FPGT: variants seen among roughly 807,000 people sequenced by gnomAD.
FPGT encodes fucose-1-phosphate guanylyltransferase.
Under a neutral mutation model 45.8 loss-of-function variants are expected in FPGT, and 41 were observed. The ratio of observed to expected loss-of-function variants is 0.90; its 90% CI spans 0.70 to 1.16. The LOEUF (loss-of-function observed/expected upper bound fraction) is 1.16, where lower values mean the gene tolerates loss of function less well. Among genes scored for constraint, FPGT ranks in the 50% most tolerant of loss-of-function variants. The pLI is 0.00. For missense variants in FPGT, 755 were observed against 689.1 expected, an observed-to-expected ratio of 1.10 and a Z score of -1.07; for synonymous variants, 292 against 247.2, an observed-to-expected ratio of 1.18 and a Z score of -1.70.
chr1:74,199,715 C>G lies in FPGT; in HGVS notation c.134C>G (p.Ala45Gly). The part of the protein sequence containing the change: ...EFWDIVAITA[A>G]DEKQELAYNQ... The stretch of plus-strand genomic sequence containing the variant: ...TGGGACATAGTTGCAATAACAGCGG[C>G]TGATGAAAAACAGGAACTTGCTTAC... Residue 45 changes from alanine to glycine, a missense_variant, in exon 2 of 4, where the codon GCT (alanine) becomes GGT (glycine). Transcript: ENST00000370898. 1 of 1,613,988 alleles carries G rather than the reference C, an allele frequency of 6.2e-7. No homozygotes were observed. Among genetic ancestry groups the G allele is most frequent in the African/African-American group, 1.3e-5 (1 of 75,010 alleles).
chr1:74,202,002 A>G (rs577367), intron 3 of FPGT, among the ~76,000 whole-genome samples: 62,774 of 152,024 alleles, frequency 0.41, 14,375 homozygotes, highest in East Asian at 0.73. Flanking sequence ...GTGATTATTG[A>G]TAGCCAGAGG....
Position 74,206,931 on chromosome 1 carries a change from T to C in FPGT, c.*1099T>C, listed in dbSNP as rs1031528323. 6.6e-6 allele frequency: 1 copy of C among 152,100 alleles called. No individual in the cohort carries two copies. Among genetic ancestry groups the C allele is most frequent in the African/African-American group, 2.4e-5 (1 of 41,440 alleles). The allele number at this position is 152,100 out of a possible 1,614,324, so 9.4% of individuals were successfully genotyped here. A position where few individuals can be genotyped will look rare whatever the true frequency, so the allele number is the denominator to read the frequency against. On this transcript the variant is annotated 3_prime_UTR_variant, in exon 4 of 4. Coordinates refer to ENST00000370898, the MANE Select transcript of FPGT (RefSeq NM_003838.5). ...ATGAAATAACTAGTCTGTGCTACTT[T>C]ATGTCAATATAAAAATTGGTAAACT...
Position 74,199,686 on chromosome 1 carries a change from A to G in FPGT, c.105A>G (p.Glu35=), listed in dbSNP as rs186399715. 1 of 1,613,616 alleles carries G rather than the reference A, an allele frequency of 6.2e-7. No homozygotes were observed. The highest frequency in any genetic ancestry group is 2.2e-5 in the East Asian group (1 of 44,864). The stretch of plus-strand genomic sequence containing the variant: ...TAGGCAAACTTGTAGCACGTGGAGA[A>G]TTCTGGGACATAGTTGCAATAACAG... ...ELRGKLVARG[E]FWDIVAITAA... The change falls in exon 2 of 4, where the codon GAA becomes GAG. Residue 35 remains glutamate, a synonymous_variant. Transcript: ENST00000370898.
Position 74,199,134 on chromosome 1 carries a change from A to G in FPGT, c.83-530A>G, listed in dbSNP as rs576391340. Among the ~76,000 whole-genome samples, 9 of 152,296 alleles carry G rather than the reference A, an allele frequency of 5.9e-5. No homozygotes were observed. The East Asian group carries it at 1.7e-3, about 29-fold the overall frequency. On this transcript the variant is annotated intron_variant, in intron 1 of 3. Coordinates refer to ENST00000370898, the MANE Select transcript of FPGT (RefSeq NM_003838.5). ...ATCCAGAATTTTATGTTATATTCTA[A>G]CAGCCTATGTAAGTTTGCATGGTTC...
rs375572507 is a variant in FPGT, at chr1:74,199,612, A to G, written c.83-52A>G. 1.7e-3 allele frequency: 2,650 copies of G among 1,579,538 alleles called. 5 individuals carry two copies. The highest frequency in any genetic ancestry group is 2.1e-3 in the Non-Finnish European group (2,397 of 1,163,588). On this transcript the variant is annotated intron_variant, in intron 1 of 3. Coordinates refer to ENST00000370898, the MANE Select transcript of FPGT (RefSeq NM_003838.5). The stretch of plus-strand genomic sequence containing the variant: ...TTTCTCAATAGGCAAACCTGTGGCA[A>G]CTAGAAAATTCTGATAATTTTTGTT...
Position 74,201,400 on chromosome 1 carries a change from A to G in FPGT, c.333A>G (p.Leu111=). ...GDKWNSFTIL[L]IHSGGYSQRL... ...AATGGAATTCTTTTACCATCTTATT[A>G]ATTCACTCTGGTAATGTTATACTTT... Residue 111 remains leucine, a synonymous_variant, in exon 3 of 4, where the codon TTA becomes TTG. Transcript: ENST00000370898. The G allele has an allele frequency of 1.2e-6, 2 of 1,603,044 alleles. No individual in the cohort carries two copies. Among genetic ancestry groups the G allele is most frequent in the South Asian group, 1.1e-5 (1 of 90,380 alleles).
intron 2 of FPGT, 43 bp downstream of exon 2, chr1:74,199,874 G>C: frequency 6.3e-7 from 1 of 1,574,856 alleles, no homozygotes; most frequent in South Asian, 1.2e-5. Flanking sequence ...GTCCTAAGCA[G>C]AATAATCATT....
Position 74,208,254 on chromosome 1 carries a change from C to G in FPGT, c.*2422C>G, listed in dbSNP as rs1049237076. Reference sequence around the variant, plus strand: ...GCAAAAAAAAAAAAAGTAAGTCACTCCTAAATTTAATCCCTGAATAATGCA... The same window carrying G: ...GCAAAAAAAAAAAAAGTAAGTCACTGCTAAATTTAATCCCTGAATAATGCA... On this transcript the variant is annotated 3_prime_UTR_variant, in exon 4 of 4. Transcript: ENST00000370898. 3.3e-5 allele frequency among the ~76,000 whole-genome samples: 5 copies of G among 151,528 alleles called. No homozygotes were observed. Among genetic ancestry groups the G allele is most frequent in the African/African-American group, 1.2e-4 (5 of 41,262 alleles).
In FPGT at chr1:74,206,109, A is replaced by G. The variant is rs1299248298; in HGVS notation, c.*277A>G. ...ATTGTTTTTTCACATAATTAGTTTT[A>G]AAGGTAATTTTCTAAGCATACCTTT... On this transcript the variant is annotated 3_prime_UTR_variant, in exon 4 of 4. Transcript: ENST00000370898. 1 of 251,042 alleles carries G rather than the reference A, an allele frequency of 4.0e-6. No homozygotes were observed. The allele number at this position is 251,042 out of a possible 1,614,324, so 15.6% of individuals were successfully genotyped here.
rs1652123435 is a variant in FPGT, at chr1:74,204,781, C to T, written c.734C>T (p.Pro245Leu). 6 of 1,613,710 alleles carry T rather than the reference C, an allele frequency of 3.7e-6. No individual in the cohort carries two copies. The highest frequency in any genetic ancestry group is 1.6e-4 in the Middle Eastern group (1 of 6,062). ...TATCAGTTTAATGCTGTGTGTAGAC[C>T]TGGAAATTTTTGTCAACAGGACTTT... The part of the protein sequence containing the change: ...KMYQFNAVCR[P>L]GNFCQQDFAG... Residue 245 changes from proline (P) to leucine (L), a missense_variant, in exon 4 of 4, where the codon CCT becomes CTT. Transcript: ENST00000370898.
rs1652383410 is a variant in FPGT at position 74,207,565 on chromosome 1, A to G, written c.*1733A>G. Among the ~76,000 whole-genome samples, 1 of 152,034 alleles carries G rather than the reference A, an allele frequency of 6.6e-6. No individual in the cohort carries two copies. Among genetic ancestry groups the G allele is most frequent in the Non-Finnish European group, 1.5e-5 (1 of 67,958 alleles). Reference sequence around the variant, plus strand: ...GATACCCTTCTATTTGGCAAAACTCAGTTTCACTTTTCTTTCAGTTTAATC... The same window carrying G: ...GATACCCTTCTATTTGGCAAAACTCGGTTTCACTTTTCTTTCAGTTTAATC... On this transcript the variant is annotated 3_prime_UTR_variant, in exon 4 of 4. Transcript: ENST00000370898.
Position 74,199,808 on chromosome 1 carries a change from T to C in FPGT, c.227T>C (p.Val76Ala). The change falls in exon 2 of 4, where the codon GTG (valine) becomes GCG (alanine). Residue 76 changes from valine to alanine, a missense_variant. Physicochemically the swap from Val to Ala is moderately conservative, Grantham distance 64. Transcript: ENST00000370898. The stretch of plus-strand genomic sequence containing the variant: ...CTTGGAGTTCAATATCACGTTTTTG[T>C]GGATCCTGCTGGAGCCAAAATTGGT... ...LPLGVQYHVF[V>A]DPAGAKIGNG... 6.2e-7 allele frequency: 1 copy of C among 1,614,010 alleles called. No homozygotes were observed. Among genetic ancestry groups the C allele is most frequent in the Non-Finnish European group, 8.5e-7 (1 of 1,179,982 alleles).
In FPGT at chr1:74,204,814, G is replaced by C; in HGVS notation, c.767G>C (p.Gly256Ala). The C allele has an allele frequency of 6.2e-7, 1 of 1,613,680 alleles. No individual in the cohort carries two copies. The highest frequency in any genetic ancestry group is 1.1e-5 in the South Asian group (1 of 91,058). ...GNFCQQDFAG[G>A]DIADLKLDSD... ...TTTTGTCAACAGGACTTTGCTGGGGGTGACATTGCCGATCTTAAATTAGAC... is the reference window on the plus strand; with the variant it reads ...TTTTGTCAACAGGACTTTGCTGGGGCTGACATTGCCGATCTTAAATTAGAC... Residue 256 changes from glycine to alanine, a missense_variant, in exon 4 of 4, where the codon GGT becomes GCT. Physicochemically the swap from Gly to Ala is moderately conservative, Grantham distance 60. Transcript: ENST00000370898.
rs1652377744 is a variant in FPGT at position 74,207,498 on chromosome 1, A to T, written c.*1666A>T. 1.3e-5 allele frequency among the ~76,000 whole-genome samples: 2 copies of T among 151,640 alleles called. No individual in the cohort carries two copies. Among genetic ancestry groups the T allele is most frequent in the African/African-American group, 4.8e-5 (2 of 41,298 alleles). On this transcript the variant is annotated 3_prime_UTR_variant, in exon 4 of 4. Coordinates refer to ENST00000370898, the MANE Select transcript of FPGT (RefSeq NM_003838.5). The stretch of plus-strand genomic sequence containing the variant: ...AGTGCTCTACCACACTTATGTCTGG[A>T]TTTTTTTTACCCAGCTACAGACCCA...
Position 74,205,052 on chromosome 1 carries a change from G to A in FPGT, c.1005G>A (p.Gln335=), listed in dbSNP as rs1032601024. Reference sequence around the variant, plus strand: ...AGTCAGAGTTGGTAGAAATGAGGCAGAGAATATTTCATCTTCTTAAAGGAA... The same window carrying A: ...AGTCAGAGTTGGTAGAAATGAGGCAAAGAATATTTCATCTTCTTAAAGGAA... The part of the protein sequence containing the change: ...KEESELVEMR[Q]RIFHLLKGTS... The change falls in exon 4 of 4, where the codon CAG becomes CAA. Residue 335 remains glutamine, a synonymous_variant. Transcript: ENST00000370898. 6.2e-7 allele frequency: 1 copy of A among 1,612,664 alleles called. No homozygotes were observed. Among genetic ancestry groups the A allele is most frequent in the African/African-American group, 1.3e-5 (1 of 75,040 alleles).
chr1:74,204,322 C>T (rs552656123), intron 3 of FPGT, 69 bp from the exon 4 acceptor site: 3 of 1,137,966 alleles, frequency 2.6e-6, no homozygotes, highest in African/African-American at 3.1e-5. Context: ...GGTTATAAAA[C>T]CCTGGGGTTT....
chr1:74,202,734 G>A (rs1651913693), intron 3 of FPGT, among the ~76,000 whole-genome samples: 1 of 152,028 alleles, frequency 6.6e-6, no homozygotes. Context: ...TGACTCTCTT[G>A]TAATAACATT....
rs1205779840 is a variant in FPGT, at chr1:74,208,097, C to A, written c.*2265C>A. ...GCAAGTAACAACTCCATGACTATTG[C>A]TGCCTGGCTAATAGCTATTATACTA... On this transcript the variant is annotated 3_prime_UTR_variant, in exon 4 of 4. Coordinates refer to ENST00000370898, the MANE Select transcript of FPGT (RefSeq NM_003838.5). Among the ~76,000 whole-genome samples, 1 of 151,966 alleles carries A rather than the reference C, an allele frequency of 6.6e-6. No individual in the cohort carries two copies. Among genetic ancestry groups the A allele is most frequent in the Non-Finnish European group, 1.5e-5 (1 of 67,954 alleles).
In FPGT at chr1:74,208,671, A is replaced by G. The variant is rs1156490759; in HGVS notation, c.*2839A>G. ...AGAAATAAAGGATATGTATCAGTGT[A>G]TACTGATTGAAATAAAGCTTTAAAA... On this transcript the variant is annotated 3_prime_UTR_variant, in exon 4 of 4. Transcript: ENST00000370898. Among the ~76,000 whole-genome samples, 1 of 152,090 alleles carries G rather than the reference A, an allele frequency of 6.6e-6. No homozygotes were observed. The highest frequency in any genetic ancestry group is 1.5e-5 in the Non-Finnish European group (1 of 67,970).
Sources: gnomAD v4.1 joint callset for allele counts (sites outside exome capture counted in the v4.1 genomes callset) on GRCh38, gnomAD v4.1.1 for gene constraint, MANE v1.5 for transcripts, NCBI Gene and HGNC (gene_info 2026-07-23, HGNC 2026-07-21) for gene names.